ZNF800: variants seen among roughly 807,000 people sequenced by gnomAD.
The protein encoded by ZNF800 is zinc finger protein 800.
In ZNF800, 13 loss-of-function variants were observed where a neutral mutation model predicts 59.5. That is an observed-to-expected ratio of 0.22 (90% confidence interval 0.14 to 0.35). The LOEUF is 0.35. ZNF800 is among the 10% of genes least tolerant of loss of function. ZNF800 has a pLI of 1.00. For missense variants in ZNF800, 621 were observed against 783.7 expected, an observed-to-expected ratio of 0.79 and a Z score of 2.48; for synonymous variants, 266 against 265.7, an observed-to-expected ratio of 1.00 and a Z score of -0.01.
chr7:127,379,064 C>T (rs1587445953), intron 3 of ZNF800, among the ~76,000 whole-genome samples: 1 of 152,080 alleles, frequency 6.6e-6, no homozygotes, highest in Non-Finnish European at 1.5e-5. Context: ...TATGTTTACT[C>T]CACTAGTCCT....
chr7:127,356,783 T>TGTG (rs200123813), intron 1 of ZNF800, among the ~76,000 whole-genome samples: 1 of 151,794 alleles, frequency 6.6e-6, no homozygotes, highest in African/African-American at 2.4e-5. Context: ...GTGTGTGTGT[T>TGTG]TTTTTTACTC....
downstream of ZNF800, among the ~76,000 whole-genome samples, chr7:127,346,565 C>T (rs146973026): frequency 2.6e-5 from 4 of 152,164 alleles, no homozygotes; most frequent in Non-Finnish European, 5.9e-5. Context: ...AGGACGAGAA[C>T]GCAAGACAGG....
rs765275217 is a variant in ZNF800 at position 127,374,248 on chromosome 7, A to T, written c.1088T>A (p.Leu363His). 6.2e-7 allele frequency: 1 copy of T among 1,614,036 alleles called. No individual in the cohort carries two copies. ...TTGTGAACTATATTTCCTCTTGCAA[A>T]GGAGGCATTTGCATGCAGTTAAATT... ...EYNLTACKCLLCKRKYSSQIM... is the reference protein window; with the variant it reads ...EYNLTACKCLHCKRKYSSQIM... Residue 363 changes from leucine to histidine, a missense_variant, in exon 5 of 6, where the codon CTT (leucine) becomes CAT (histidine). By Grantham distance (99) the Leu-to-His change is moderately conservative. This residue lies in a region of ZNF800 where 185 missense variants were observed against 177.6 expected (regional missense o/e 1.04). Transcript: ENST00000265827.
In ZNF800 at chr7:127,371,282, C is replaced by T. The variant is rs1800625870; in HGVS notation, c.*532G>A. 6.6e-6 allele frequency: 1 copy of T among 152,464 alleles called. No individual in the cohort carries two copies. The highest frequency in any genetic ancestry group is 2.4e-5 in the African/African-American group (1 of 41,382). 9.4% of individuals were successfully genotyped at this position (152,464 alleles called of 1,614,324 possible). ...AAATAAATGGATGTAAAAATAATTA[C>T]AAATATTTAGTAAGCTAAATATTTA... On this transcript the variant is annotated 3_prime_UTR_variant, in exon 6 of 6. Transcript: ENST00000265827.
chr7:127,373,006 T>C, intron 5 of ZNF800: 1 of 984,614 alleles, frequency 1.0e-6, no homozygotes, highest in Non-Finnish European at 1.2e-6. Context: ...GCAAAGTTAG[T>C]TAAACAGAAG....
intron 2 of ZNF800, among the ~76,000 whole-genome samples, chr7:127,387,222 A>C (rs1801163168): frequency 6.6e-6 from 1 of 152,352 alleles, no homozygotes; most frequent in East Asian, 1.9e-4. Flanking sequence ...TCAGTTATCA[A>C]ATAGAGATGG....
At position 127,392,452 on chromosome 7, in the gene ZNF800, T is replaced by TGCC; in HGVS notation, c.-454_-452dup. ...AGGCTTCCCTCGCCGGGGCAACGGC[T>TGCC]GCCGCCGCAACCCGGGTCCCACCAG... On this transcript the variant is annotated 5_prime_UTR_variant, in exon 1 of 6. Coordinates refer to ENST00000265827, the MANE Select transcript of ZNF800 (RefSeq NM_176814.5). 2.7e-6 allele frequency: 1 copy of TGCC among 370,192 alleles called. No homozygotes were observed. Among genetic ancestry groups the TGCC allele is most frequent in the Non-Finnish European group, 4.8e-6 (1 of 208,104 alleles). The allele number at this position is 370,192 out of a possible 1,614,324, so 22.9% of individuals were successfully genotyped here.
downstream of ZNF800, among the ~76,000 whole-genome samples, chr7:127,345,703 T>C (rs1381189493): frequency 1.3e-5 from 2 of 152,000 alleles, no homozygotes; most frequent in Non-Finnish European, 2.9e-5. Flanking sequence ...GGTAAAGGGG[T>C]TTAGATTTTA....
At chr7:127,358,552 C>A (rs1405532923) in intron 1 of ZNF800, among the ~76,000 whole-genome samples, 1 of 152,068 alleles carries the variant, frequency 6.6e-6, no homozygotes, top group Middle Eastern at 3.2e-3. Flanking sequence ...TTACTTGGTA[C>A]ATAAAAGCCT....
At position 127,392,079 on chromosome 7, in the gene ZNF800, G is replaced by A. The variant is rs1322386824; in HGVS notation, c.-78C>T. 2.1e-5 allele frequency: 8 copies of A among 388,264 alleles called. No individual in the cohort carries two copies. The highest frequency in any genetic ancestry group is 1.8e-4 in the East Asian group (5 of 27,528). 24.1% of individuals were successfully genotyped at this position (388,264 alleles called of 1,614,324 possible). On this transcript the variant is annotated 5_prime_UTR_variant, in exon 1 of 6. Coordinates refer to ENST00000265827, the MANE Select transcript of ZNF800 (RefSeq NM_176814.5). ...ACTTACTCAACTCTTAGGGCGGGCC[G>A]GCGGGCGGGCGGAAGGAAGGAAGGC...
At chr7:127,391,643 T>A (rs1801321054) in intron 1 of ZNF800, 28 bp from the exon 2 acceptor site, 1 of 1,282,580 alleles carries the variant, frequency 7.8e-7, no homozygotes. Flanking sequence ...AACCCGTCAC[T>A]CGCCCTGAAC....
chr7:127,363,518 C>T (rs1428599892), intron 1 of ZNF800: 1 of 151,748 alleles, frequency 6.6e-6, no homozygotes, highest in Non-Finnish European at 1.5e-5. Context: ...AAAAAAAAGA[C>T]AGGACTCCTA....
chr7:127,352,990 C>T (rs1358113020), intron 1 of ZNF800, among the ~76,000 whole-genome samples: 3 of 152,110 alleles, frequency 2.0e-5, no homozygotes, highest in African/African-American at 7.2e-5. Flanking sequence ...TGCTCTAGAG[C>T]ACTAACTTGT....
At position 127,390,067 on chromosome 7, in the gene ZNF800, T is replaced by C. The variant is rs144220193; in HGVS notation, c.61+1430A>G. ...CCATTGCCTTCAACAGTGCTCTCAA[T>C]AGATGTTCAATAACAATTTGTTAAA... is the stretch of plus-strand genomic sequence containing the variant. On this transcript the variant is annotated intron_variant, in intron 2 of 5. Transcript: ENST00000265827. Among the ~76,000 whole-genome samples the C allele has an allele frequency of 3.0e-4, 46 of 152,304 alleles. 1 individual carries two copies. Among genetic ancestry groups the C allele is most frequent in the African/African-American group, 1.0e-3 (42 of 41,572 alleles).
chr7:127,356,282 A>T (rs200134865), intron 1 of ZNF800, among the ~76,000 whole-genome samples: 56 of 116,142 alleles, frequency 4.8e-4, no homozygotes, highest in East Asian at 1.3e-3. Context: ...TGTGTGTGTG[A>T]GAGAGAGAGA....
chr7:127,386,200 G>A, intron 2 of ZNF800, 45 bp from the exon 3 acceptor site: 1 of 1,219,500 alleles, frequency 8.2e-7, no homozygotes, highest in Non-Finnish European at 1.2e-6. Context: ...CAAAAAAAGG[G>A]TTATTTAAAT....
intron 1 of ZNF800, among the ~76,000 whole-genome samples, chr7:127,349,255 T>C (rs1325016356): frequency 2.0e-5 from 3 of 152,180 alleles, no homozygotes; most frequent in Non-Finnish European, 2.9e-5. Context: ...AATATGGCAA[T>C]GAACTAGAAT....
In ZNF800 at chr7:127,374,017, T is replaced by C. The variant is rs1453840222; in HGVS notation, c.1319A>G (p.Lys440Arg). ...ELKGTNHSNEKKNTPAAQKNK... is the reference protein window; with the variant it reads ...ELKGTNHSNERKNTPAAQKNK... ...TTTCTGTGCTGCCGGTGTGTTCTTTTTTTCATTTGAATGATTTGTTCCCTT... is the reference window on the plus strand; with the variant it reads ...TTTCTGTGCTGCCGGTGTGTTCTTTCTTTCATTTGAATGATTTGTTCCCTT... The change falls in exon 5 of 6, where the codon AAA (lysine) becomes AGA (arginine). Residue 440 changes from lysine to arginine, a missense_variant. Physicochemically the swap from Lys to Arg is conservative, Grantham distance 26. Coordinates refer to ENST00000265827, the MANE Select transcript of ZNF800 (RefSeq NM_176814.5). 4.3e-6 allele frequency: 7 copies of C among 1,614,026 alleles called. No homozygotes were observed. The highest frequency in any genetic ancestry group is 5.1e-6 in the Non-Finnish European group (6 of 1,180,000).
intron 3 of ZNF800, among the ~76,000 whole-genome samples, chr7:127,382,761 G>A (rs1801013043): frequency 1.3e-5 from 2 of 152,198 alleles, no homozygotes; most frequent in Non-Finnish European, 2.9e-5. Flanking sequence ...AGAGTACGTA[G>A]AGTCAGCTAC....
Sources: allele counts gnomAD v4.1 joint callset (sites outside exome capture counted in the v4.1 genomes callset), GRCh38; gene constraint gnomAD v4.1.1; regional missense constraint gnomAD v4.1.1; transcripts MANE v1.5; gene names NCBI Gene and HGNC (gene_info 2026-07-23, HGNC 2026-07-21).